SESTD1: variants seen among roughly 807,000 people sequenced by gnomAD.
SESTD1 encodes the protein SEC14 and spectrin domain containing 1, also known as SEC14 domain and spectrin repeat-containing protein 1.
In SESTD1, 43 loss-of-function variants were observed where a neutral mutation model predicts 101.7. That is an observed-to-expected ratio of 0.42 (90% CI 0.33 to 0.55). The LOEUF is 0.55. Ranked by LOEUF, SESTD1 falls within the 20% of genes least tolerant of loss-of-function variation. The pLI is 0.07. For synonymous variants in SESTD1, 283 were observed against 286.8 expected (o/e 0.99, Z 0.13); for missense variants, 647 against 815.1 (o/e 0.79, Z 2.51).
intron 1 of SESTD1, among the ~76,000 whole-genome samples, chr2:179,214,216 GT>G (rs1402446032): frequency 7.4e-6 from 1 of 134,398 alleles, no homozygotes; most frequent in African/African-American, 3.0e-5. Flanking sequence ...ACCCATCAGT[GT>G]GCTGTATTCA....
chr2:179,193,167 G>A (rs2046342819), intron 1 of SESTD1, among the ~76,000 whole-genome samples: 1 of 152,098 alleles, frequency 6.6e-6, no homozygotes, highest in African/African-American at 2.4e-5. Flanking sequence ...AAAAAAAGAT[G>A]GAGTTGTAAC....
chr2:179,165,459 C>T (rs900428641), intron 5 of SESTD1, among the ~76,000 whole-genome samples: 5 of 152,136 alleles, frequency 3.3e-5, no homozygotes, highest in African/African-American at 7.2e-5. Flanking sequence ...AGGGATCTTC[C>T]GTGGTACCGG....
chr2:179,262,080 C>A (rs1362728061), intron 1 of SESTD1, among the ~76,000 whole-genome samples: 1 of 152,060 alleles, frequency 6.6e-6, no homozygotes, highest in African/African-American at 2.4e-5. Flanking sequence ...TATGAATAAA[C>A]CCTGAAAGCA....
intron 3 of SESTD1, among the ~76,000 whole-genome samples, chr2:179,182,519 G>A (rs533851716): frequency 4.6e-5 from 7 of 152,222 alleles, no homozygotes; most frequent in Admixed American, 3.3e-4. Context: ...AGCAGATGGG[G>A]AGGAAGCTTT....
intron 2 of SESTD1, among the ~76,000 whole-genome samples, chr2:179,186,343 T>C (rs2046232331): frequency 6.6e-6 from 1 of 152,080 alleles, no homozygotes; most frequent in Non-Finnish European, 1.5e-5. Context: ...TAGCTTCCCC[T>C]TGACTCATCT....
rs148596547 is a variant in SESTD1, at chr2:179,193,563, A to G, written c.-25-1697T>C. ...GATTTGAAAGTTTGATAAAGGGGTGATAATAATTATTATAATTAACATTGA... is the reference window on the plus strand; with the variant it reads ...GATTTGAAAGTTTGATAAAGGGGTGGTAATAATTATTATAATTAACATTGA... On this transcript the variant is annotated intron_variant, in intron 1 of 17. Coordinates refer to ENST00000428443, the MANE Select transcript of SESTD1 (RefSeq NM_178123.5). 4.5e-3 allele frequency among the ~76,000 whole-genome samples: 680 copies of G among 152,340 alleles called. 6 individuals are homozygous for G. Among genetic ancestry groups the G allele is most frequent in the African/African-American group, 0.015 (632 of 41,578 alleles).
At chr2:179,174,512 A>C in intron 4 of SESTD1, 1 of 448,438 alleles carries the variant, frequency 2.2e-6, no homozygotes, top group South Asian at 1.7e-5. Context: ...GTCATAATTA[A>C]TGGATTTCTT....
At chr2:179,118,147 T>G (rs1288949709) in intron 13 of SESTD1, among the ~76,000 whole-genome samples, 1 of 152,178 alleles carries the variant, frequency 6.6e-6, no homozygotes, top group Non-Finnish European at 1.5e-5. Flanking sequence ...AAGAAACATT[T>G]AAACATTAAC....
rs550041469 is a variant in SESTD1, at chr2:179,112,553, G to A, written c.1961+171C>T. Among the ~76,000 whole-genome samples, 8 of 152,314 alleles carry A rather than the reference G, an allele frequency of 5.3e-5. No individual in the cohort carries two copies. In the East Asian group the frequency reaches 7.7e-4, roughly 15 times the overall value. On this transcript the variant is annotated intron_variant, in intron 17 of 17. Coordinates refer to ENST00000428443, the MANE Select transcript of SESTD1 (RefSeq NM_178123.5). ...TCTGTTGTTGGCAAGTACCATTACT[G>A]TGGCTAAGAGGTGTGGATTTCTTTT...
At chr2:179,146,494 AT>A in intron 7 of SESTD1, 37 bp from the exon 8 acceptor site, 1 of 1,537,654 alleles carries the variant, frequency 6.5e-7, no homozygotes. Context: ...CAAAAGGCAT[AT>A]TTCTATCAAT....
Position 179,176,459 on chromosome 2 carries a change from C to T in SESTD1, c.244G>A (p.Val82Ile), listed in dbSNP as rs370675787. The T allele has an allele frequency of 2.0e-5, 32 of 1,612,942 alleles. No individual in the cohort carries two copies. The highest frequency in any genetic ancestry group is 8.3e-5 in the Admixed American group (5 of 59,884). Residue 82 changes from valine to isoleucine, a missense_variant, in exon 4 of 18, where the codon GTA becomes ATA. Transcript: ENST00000428443. ...SQWNVVKTVV[V>I]MLQNVVPAEV... ...AAAACCAAAATTACCTGTAGCATTA[C>T]GACTACTGTTTTCACCACATTCCAC...
intron 2 of SESTD1, among the ~76,000 whole-genome samples, chr2:179,185,938 T>G (rs12328871): frequency 0.81 from 89,120 of 110,704 alleles, 37,078 homozygotes; most frequent in South Asian, 0.92. Flanking sequence ...ATACAATATA[T>G]TATATTATAT....
In SESTD1 at chr2:179,227,576, C is replaced by T. The variant is rs1260612882; in HGVS notation, c.-25-35710G>A. ...ATAGTATTTTTTGAAAGAAAAAGCA[C>T]AACACAAAATCTAATATTTAAAAAT... is the stretch of plus-strand genomic sequence containing the variant. On this transcript the variant is annotated intron_variant, in intron 1 of 17. Coordinates refer to ENST00000428443, the MANE Select transcript of SESTD1 (RefSeq NM_178123.5). Among the ~76,000 whole-genome samples, 7 of 152,268 alleles carry T rather than the reference C, an allele frequency of 4.6e-5. No homozygotes were observed. The East Asian group carries it at 1.3e-3, about 29-fold the overall frequency.
intron 4 of SESTD1, chr2:179,174,550 CAGAGA>C: frequency 2.4e-6 from 1 of 411,220 alleles, no homozygotes; most frequent in South Asian, 1.8e-5. Context: ...ACAACTTTCA[CAGAGA>C]AGAGTTAATT....
At chr2:179,164,139 T>C (rs2045793051) in intron 5 of SESTD1, among the ~76,000 whole-genome samples, 1 of 152,200 alleles carries the variant, frequency 6.6e-6, no homozygotes, top group East Asian at 1.9e-4. Context: ...GATGTGTATG[T>C]CTGCTTGTAC....
intron 1 of SESTD1, among the ~76,000 whole-genome samples, chr2:179,253,711 A>G (rs372236815): frequency 3.9e-5 from 6 of 152,316 alleles, no homozygotes; most frequent in Admixed American, 3.3e-4. Context: ...GAAAGAATAC[A>G]TAAGAATCTG....
intron 17 of SESTD1, among the ~76,000 whole-genome samples, chr2:179,112,102 T>C (rs2044524149): frequency 6.6e-6 from 1 of 152,110 alleles, no homozygotes; most frequent in South Asian, 2.1e-4. Flanking sequence ...AATGGAAAGG[T>C]GTAAGATAAT....
At chr2:179,226,435 T>C (rs1278917182) in intron 1 of SESTD1, among the ~76,000 whole-genome samples, 4 of 152,226 alleles carry the variant, frequency 2.6e-5, no homozygotes, top group Non-Finnish European at 5.9e-5. Flanking sequence ...TTCTCACTTT[T>C]GTGACCGCAG....
chr2:179,185,888 A>T (rs571756700), intron 2 of SESTD1, among the ~76,000 whole-genome samples: 2 of 135,858 alleles, frequency 1.5e-5, no homozygotes. Context: ...AATATAGCAT[A>T]TACAATATAG....
Sources: gnomAD v4.1 joint callset for allele counts (sites outside exome capture counted in the v4.1 genomes callset) on GRCh38, gnomAD v4.1.1 for gene constraint, MANE v1.5 for transcripts, NCBI Gene and HGNC (gene_info 2026-07-23, HGNC 2026-07-21) for gene names.